TRPM7: variants seen among roughly 807,000 people sequenced by gnomAD.
TRPM7 encodes LTRPC ion channel family member 7.
TRPM7 carries 134 observed loss-of-function variants against 229.7 expected under a neutral mutation model. The observed-to-expected ratio is 0.58, with a 90% CI of 0.51 to 0.67. TRPM7 has a LOEUF of 0.67. TRPM7 is among the 30% of genes least tolerant of loss of function. TRPM7 has a pLI of 0.00. For synonymous variants in TRPM7, 699 were observed against 715.2 expected, an observed-to-expected ratio of 0.98 and a Z score of 0.36; for missense variants, 1,901 against 2,210.0, an observed-to-expected ratio of 0.86 and a Z score of 2.80.
chr15:50,568,033 C>T (rs969151549), intron 38 of TRPM7, among the ~76,000 whole-genome samples: 2 of 143,206 alleles, frequency 1.4e-5, no homozygotes, highest in African/African-American at 5.2e-5. Flanking sequence ...GAGCGGAGAC[C>T]ACACCACTGC....
chr15:50,654,736 C>A (rs1033929868), intron 3 of TRPM7, among the ~76,000 whole-genome samples: 1 of 150,830 alleles, frequency 6.6e-6, no homozygotes, highest in African/African-American at 2.4e-5. Flanking sequence ...CAGTGGCTCA[C>A]GCCTGTAATC....
chr15:50,563,358 T>C (rs2053417567), intron 38 of TRPM7, among the ~76,000 whole-genome samples: 1 of 152,212 alleles, frequency 6.6e-6, no homozygotes, highest in Non-Finnish European at 1.5e-5. Context: ...ACAATACAAA[T>C]CCACTGGAAG....
At chr15:50,633,600 T>C (rs1163397608) in intron 8 of TRPM7, among the ~76,000 whole-genome samples, 1 of 152,194 alleles carries the variant, frequency 6.6e-6, no homozygotes, top group Non-Finnish European at 1.5e-5. Flanking sequence ...TACACCTTCC[T>C]TTTTGCATGT....
At chr15:50,657,611 C>A (rs2061610025) in intron 3 of TRPM7, among the ~76,000 whole-genome samples, 170 bp downstream of exon 3, 1 of 152,180 alleles carries the variant, frequency 6.6e-6, no homozygotes, top group African/African-American at 2.4e-5. Flanking sequence ...GGTAGCTTCA[C>A]CTGAGTTTCA....
chr15:50,577,282 G>T (rs1477625518), intron 31 of TRPM7, among the ~76,000 whole-genome samples: 1 of 152,108 alleles, frequency 6.6e-6, no homozygotes, highest in Admixed American at 6.5e-5. Context: ...AGGTGCGGTG[G>T]CTCTCGCCTG....
intron 13 of TRPM7, among the ~76,000 whole-genome samples, chr15:50,616,819 T>A (rs2060234608): frequency 6.6e-6 from 1 of 152,126 alleles, no homozygotes; most frequent in African/African-American, 2.4e-5. Context: ...TAGCTGGGAC[T>A]ACAGGCACAT....
At chr15:50,617,690 C>T (rs1192729047) in intron 13 of TRPM7, among the ~76,000 whole-genome samples, 1 of 151,852 alleles carries the variant, frequency 6.6e-6, no homozygotes, top group East Asian at 1.9e-4. Flanking sequence ...TGATGTGTAC[C>T]CAGACTGGAG....
chr15:50,686,174 T>C (rs1205410254), intron 1 of TRPM7, among the ~76,000 whole-genome samples: 3 of 152,206 alleles, frequency 2.0e-5, no homozygotes, highest in Non-Finnish European at 2.9e-5. Flanking sequence ...TCCCAGGAGA[T>C]GCGGAGCTTG....
In TRPM7 at chr15:50,586,497, A is replaced by G; in HGVS notation, c.4390-9T>C. The G allele has an allele frequency of 3.2e-6, 5 of 1,563,090 alleles. No homozygotes were observed. The highest frequency in any genetic ancestry group is 4.4e-6 in the Non-Finnish European group (5 of 1,134,504). On this transcript the variant is annotated splice_polypyrimidine_tract_variant and intron_variant, in intron 27 of 38. Coordinates refer to ENST00000646667, the MANE Select transcript of TRPM7 (RefSeq NM_017672.6). ...TCAGAAGTATTGTTATTCTGCAAAT[A>G]TTGTGCAGACATATAATTTGAAAAT...
intron 1 of TRPM7, among the ~76,000 whole-genome samples, chr15:50,666,379 T>G (rs954710199): frequency 2.0e-5 from 3 of 151,776 alleles, no homozygotes; most frequent in Admixed American, 2.0e-4. Context: ...AGCTCGAGGC[T>G]GCAGCGAGCT....
chr15:50,594,714 C>A, intron 23 of TRPM7, 101 bp from the exon 24 acceptor site: 2 of 791,144 alleles, frequency 2.5e-6, no homozygotes, highest in East Asian at 2.9e-5. Flanking sequence ...AATAATAATT[C>A]AAAAAATATC....
At chr15:50,601,258 C>G (rs2059772707) in intron 21 of TRPM7, among the ~76,000 whole-genome samples, 1 of 152,148 alleles carries the variant, frequency 6.6e-6, no homozygotes, top group Non-Finnish European at 1.5e-5. Context: ...TCACATAAAG[C>G]CTAAATGACA....
chr15:50,581,056 T>A, intron 29 of TRPM7, 148 bp from the exon 30 acceptor site: 1 of 637,414 alleles, frequency 1.6e-6, no homozygotes, highest in Non-Finnish European at 2.5e-6. Flanking sequence ...AACAATAAAT[T>A]TATTTATTAT....
intron 1 of TRPM7, among the ~76,000 whole-genome samples, chr15:50,680,300 G>A (rs12591751): frequency 0.35 from 53,012 of 152,016 alleles, 10,463 homozygotes; most frequent in Admixed American, 0.48. Context: ...CAGTACTTTA[G>A]GAGGCCAAGG....
At position 50,575,787 on chromosome 15, in the gene TRPM7, C is replaced by T; in HGVS notation, c.4672G>A (p.Val1558Met). 1 of 1,613,490 alleles carries T rather than the reference C, an allele frequency of 6.2e-7. No homozygotes were observed. Among genetic ancestry groups the T allele is most frequent in the South Asian group, 1.1e-5 (1 of 90,998 alleles). The change falls in exon 33 of 39, where the codon GTG becomes ATG. Residue 1558 changes from valine to methionine, a missense_variant and splice_region_variant. By Grantham distance (21) the Val-to-Met change is conservative. This residue lies in a region of TRPM7 where 533 missense variants were observed against 497.1 expected (regional missense o/e 1.07). Coordinates refer to ENST00000646667, the MANE Select transcript of TRPM7 (RefSeq NM_017672.6). ...AACCTCATCAAGTTATTTCTTTCCA[C>T]AGCTGCATAAAAATGAGAGAGAAAT... The part of the protein sequence containing the change: ...AMDTNYYYSA[V>M]ERNNLMRLSQ...
chr15:50,661,416 T>C (rs1156461381), intron 2 of TRPM7, among the ~76,000 whole-genome samples: 1 of 152,208 alleles, frequency 6.6e-6, no homozygotes, highest in African/African-American at 2.4e-5. Context: ...TTATTAATAA[T>C]GACAGTCTTA....
intron 13 of TRPM7, among the ~76,000 whole-genome samples, chr15:50,614,848 T>C (rs543751709): frequency 2.8e-4 from 43 of 151,992 alleles, no homozygotes; most frequent in African/African-American, 1.0e-3. Flanking sequence ...AACAATTTCA[T>C]CTCTTCATTG....
At chr15:50,643,951 A>G (rs1032719915) in intron 4 of TRPM7, among the ~76,000 whole-genome samples, 1 of 152,118 alleles carries the variant, frequency 6.6e-6, no homozygotes, top group African/African-American at 2.4e-5. Context: ...ATTAGGGGGG[A>G]AAAATATGGA....
intron 1 of TRPM7, among the ~76,000 whole-genome samples, chr15:50,667,666 C>T (rs2061914492): frequency 6.6e-6 from 1 of 152,172 alleles, no homozygotes; most frequent in Non-Finnish European, 1.5e-5. Flanking sequence ...AAGACTGTGC[C>T]ACTGCACTCC....
Sources: gnomAD v4.1 joint callset for allele counts (sites outside exome capture counted in the v4.1 genomes callset) on GRCh38, gnomAD v4.1.1 for gene constraint, gnomAD v4.1.1 regional missense constraint, MANE v1.5 for transcripts, NCBI Gene and HGNC (gene_info 2026-07-23, HGNC 2026-07-21) for gene names.